SLC19A1: variants seen among roughly 807,000 people sequenced by gnomAD.
SLC19A1 encodes reduced folate transporter.
A neutral mutation model predicts 35.3 loss-of-function variants in SLC19A1; 37 were observed. The observed-to-expected ratio is 1.05, with a 90% CI of 0.81 to 1.38. The LOEUF (loss-of-function observed/expected upper bound fraction) is 1.38, where lower values mean the gene tolerates loss of function less well. Ranked by LOEUF, SLC19A1 falls within the 40% of genes most tolerant of loss-of-function variation. SLC19A1 has a pLI of 0.00. For synonymous variants in SLC19A1, 460 were observed against 398.5 expected (o/e 1.15, Z -1.84); for missense variants, 831 against 826.9 (o/e 1.00, Z -0.06).
At chr21:45,559,459 C>T (rs1341691718) in intron 1 of SLC19A1, among the ~76,000 whole-genome samples, 1 of 152,194 alleles carries the variant, frequency 6.6e-6, no homozygotes, top group Non-Finnish European at 1.5e-5. Flanking sequence ...CTCCGGAGAC[C>T]ACGGGAAGGC....
upstream of SLC19A1, among the ~76,000 whole-genome samples, chr21:45,549,313 G>A (rs1190666122): frequency 6.6e-6 from 1 of 152,138 alleles, no homozygotes; most frequent in Non-Finnish European, 1.5e-5. Context: ...AGGCAGGTGA[G>A]CAGGTGCCTG....
intron 4 of SLC19A1, among the ~76,000 whole-genome samples, chr21:45,527,321 A>T (rs1169636890): frequency 1.4e-5 from 2 of 142,338 alleles, no homozygotes; most frequent in Admixed American, 6.9e-5. Flanking sequence ...GGTGAGTGGC[A>T]GCGGGCAGGG....
chr21:45,523,779 T>C (rs530327391), intron 5 of SLC19A1, among the ~76,000 whole-genome samples: 1 of 152,300 alleles, frequency 6.6e-6, no homozygotes, highest in South Asian at 2.1e-4. Flanking sequence ...AGGGTCTCCC[T>C]GGGACGGGCA....
chr21:45,558,469 C>T (rs773856505), intron 1 of SLC19A1, among the ~76,000 whole-genome samples: 10 of 152,218 alleles, frequency 6.6e-5, no homozygotes, highest in Non-Finnish European at 1.2e-4. Flanking sequence ...GGGTGCTGGC[C>T]GGCGAGCCTT....
chr21:45,505,042 A>T, intron 3 of SLC19A1: 1 of 1,520,580 alleles, frequency 6.6e-7, no homozygotes, highest in Middle Eastern at 1.7e-4. Context: ...GCGCTCGCCA[A>T]GGGGGTCTTG....
chr21:45,539,365 C>T (rs183039959), intron 1 of SLC19A1, among the ~76,000 whole-genome samples: 250 of 152,332 alleles, frequency 1.6e-3, no homozygotes, highest in African/African-American at 5.8e-3. Flanking sequence ...CCTTGTGGGG[C>T]GGGGTCGCCG....
At chr21:45,523,999 C>T (rs2077517448) in intron 5 of SLC19A1, among the ~76,000 whole-genome samples, 1 of 152,182 alleles carries the variant, frequency 6.6e-6, no homozygotes, top group Non-Finnish European at 1.5e-5. Flanking sequence ...CACCAGGAGG[C>T]TGTGTCCACC....
Position 45,514,998 on chromosome 21 carries a change from G to A in SLC19A1, c.*660C>T, listed in dbSNP as rs1250435049. 1 of 1,522,774 alleles carries A rather than the reference G, an allele frequency of 6.6e-7. No individual in the cohort carries two copies. The highest frequency in any genetic ancestry group is 8.8e-7 in the Non-Finnish European group (1 of 1,138,902). The allele number at this position is 1,522,774 out of a possible 1,614,324, so 94.3% of individuals were successfully genotyped here. ...AGGTCAGGATGGACACACTTCAGAA[G>A]GACAGACAGGACCATGGAGGGCTGC... is the stretch of plus-strand genomic sequence containing the variant. On this transcript the variant is annotated 3_prime_UTR_variant, in exon 6 of 6. Transcript: ENST00000311124.
Position 45,537,840 on chromosome 21 carries a change from C to G in SLC19A1, c.120G>C (p.Gln40His). 6 of 1,608,078 alleles carry G rather than the reference C, an allele frequency of 3.7e-6. No individual in the cohort carries two copies. Among genetic ancestry groups the G allele is most frequent in the Non-Finnish European group, 4.2e-6 (5 of 1,178,668 alleles). ...TGATGAAGCTCTCCCCTGGCCGTAT[C>G]TGCGCCATGAAGCCGTAGAAGCAAA... is the stretch of plus-strand genomic sequence containing the variant. ...CYLCFYGFMA[Q>H]IRPGESFITP... Residue 40 changes from glutamine (Q) to histidine (H), a missense_variant, in exon 2 of 6, where the codon CAG becomes CAC. Coordinates refer to ENST00000311124, the MANE Select transcript of SLC19A1 (RefSeq NM_194255.4).
At chr21:45,505,911 T>A (rs1414749944) in intron 3 of SLC19A1, 1 of 1,613,114 alleles carries the variant, frequency 6.2e-7, no homozygotes, top group East Asian at 2.2e-5. Flanking sequence ...CTCATCTTCG[T>A]GGCCGAGCAG....
In SLC19A1 at chr21:45,558,920, T is replaced by G. The variant is rs192315648; in HGVS notation, c.-50+3822A>C. Among the ~76,000 whole-genome samples the G allele has an allele frequency of 6.6e-5, 10 of 152,068 alleles. No homozygotes were observed. The East Asian group carries it at 1.9e-3, about 29-fold the overall frequency. ...GCCTCCCAGGTTCAAGCGATTCTCC[T>G]GCCTCAGCCTCCCAAGTAGCTGGGA... On this transcript the variant is annotated intron_variant, in intron 1 of 5. Coordinates refer to the SLC19A1 transcript ENST00000650808.
chr21:45,530,683 C>T lies in SLC19A1; in HGVS notation c.1151+87G>A. 7.3e-7 allele frequency: 1 copy of T among 1,372,382 alleles called. No individual in the cohort carries two copies. Among genetic ancestry groups the T allele is most frequent in the Non-Finnish European group, 1.0e-6 (1 of 1,003,848 alleles). 85.0% of individuals were successfully genotyped at this position (1,372,382 alleles called of 1,614,324 possible). A position where few individuals can be genotyped will look rare whatever the true frequency, so the allele number is the denominator to read the frequency against. ...CAGCAGTGGCACAGCCGCTGGGGCG[C>T]AGCAGGAAGGTGGGAGCACCCAGCG... On this transcript the variant is annotated intron_variant, in intron 4 of 5. Coordinates refer to ENST00000311124, the MANE Select transcript of SLC19A1 (RefSeq NM_194255.4). This position sits in a 1 kb window ranked among gnomAD's most constrained non-coding sequence, Gnocchi z 5.3.
rs946165418 is a variant in SLC19A1 at position 45,513,823 on chromosome 21, C to T, written c.*1835G>A. 4 of 152,232 alleles carry T rather than the reference C, an allele frequency of 2.6e-5. No individual in the cohort carries two copies. Among genetic ancestry groups the T allele is most frequent in the African/African-American group, 9.6e-5 (4 of 41,464 alleles). The allele number at this position is 152,232 out of a possible 1,614,324, so 9.4% of individuals were successfully genotyped here. On this transcript the variant is annotated 3_prime_UTR_variant, in exon 6 of 6. Coordinates refer to ENST00000311124, the MANE Select transcript of SLC19A1 (RefSeq NM_194255.4). ...CCTGGACTGCCCCACTGGCAGATCC[C>T]GAGTGTGCACAGGCACGCACGGTTA...
downstream of SLC19A1, among the ~76,000 whole-genome samples, chr21:45,509,127 G>A (rs1018114729): frequency 2.6e-4 from 40 of 152,108 alleles, no homozygotes; most frequent in Middle Eastern, 3.2e-3. Context: ...GCACGGCTGG[G>A]TCTGTGGGGC....
intron 5 of SLC19A1, among the ~76,000 whole-genome samples, chr21:45,516,667 C>T (rs1380533689): frequency 2.6e-5 from 4 of 152,208 alleles, no homozygotes; most frequent in South Asian, 2.1e-4. Flanking sequence ...GCAGCACCAG[C>T]GTTGGCCACA....
At chr21:45,509,916 GCCCCT>G, downstream of SLC19A1, 1 of 914,476 alleles carries the variant, frequency 1.1e-6, no homozygotes, top group Non-Finnish European at 1.6e-6. Flanking sequence ...TGCTGCCTGG[GCCCCT>G]CAGTGTGTCA....
At chr21:45,511,169 A>C, downstream of SLC19A1, 1 of 1,601,976 alleles carries the variant, frequency 6.2e-7, no homozygotes, top group Non-Finnish European at 8.5e-7. Flanking sequence ...GGTCCGCTGA[A>C]GCCCGGGGCA....
intron 4 of SLC19A1, among the ~76,000 whole-genome samples, chr21:45,529,231 G>T (rs2077759534): frequency 6.6e-6 from 1 of 152,228 alleles, no homozygotes; most frequent in African/African-American, 2.4e-5. Flanking sequence ...CTGCCTGCAT[G>T]TGGGGAGGAT....
chr21:45,512,335 G>T (rs759754517), downstream of SLC19A1: 1 of 1,612,642 alleles, frequency 6.2e-7, no homozygotes, highest in East Asian at 2.2e-5. Context: ...AGAGTGCCGC[G>T]AGCTGCCATC....
Sources: gnomAD v4.1 joint callset for allele counts (sites outside exome capture counted in the v4.1 genomes callset) on GRCh38, gnomAD v4.1.1 for gene constraint, Gnocchi (gnomAD v3.1) non-coding constraint, MANE v1.5 for transcripts, NCBI Gene and HGNC (gene_info 2026-07-23, HGNC 2026-07-21) for gene names.